OGDHL: variants seen among roughly 807,000 people sequenced by gnomAD.
The protein encoded by OGDHL is 2-oxoglutarate dehydrogenase-like, mitochondrial.
In OGDHL, 79 loss-of-function variants were observed where a neutral mutation model predicts 109.6. The observed-to-expected ratio is 0.72, with a 90% CI of 0.60 to 0.87. The LOEUF is 0.87. Ranked by LOEUF, OGDHL falls within the 40% of genes least tolerant of loss-of-function variation. The pLI, the probability that OGDHL is intolerant of heterozygous loss-of-function variation, is 0.00. For missense variants in OGDHL, 1,275 were observed against 1,362.2 expected (o/e 0.94, Z 1.01); for synonymous variants, 528 against 537.2 (o/e 0.98, Z 0.24).
intron 1 of OGDHL, chr10:49,758,795 C>T: frequency 1.6e-6 from 1 of 609,866 alleles, no homozygotes; most frequent in Non-Finnish European, 2.9e-6. Context: ...TCAGTAAACT[C>T]TATCAATAGA....
chr10:49,736,240 G>A, intron 21 of OGDHL, 63 bp from the exon 22 acceptor site: 1 of 1,572,194 alleles, frequency 6.4e-7, no homozygotes, highest in Non-Finnish European at 8.6e-7. Flanking sequence ...AGCACCCCCG[G>A]ACAGGAGGCA....
At chr10:49,757,077 C>T (rs1329856418) in intron 2 of OGDHL, 131 bp from the exon 3 acceptor site, 13 of 825,546 alleles carry the variant, frequency 1.6e-5, no homozygotes, top group Non-Finnish European at 2.4e-5. Flanking sequence ...CCCAGGGTGC[C>T]TAGATGTACA....
intron 4 of OGDHL, 116 bp from the exon 5 acceptor site, chr10:49,752,364 G>T: frequency 1.2e-6 from 1 of 812,290 alleles, no homozygotes; most frequent in Non-Finnish European, 2.1e-6. Context: ...CCCTCCCTCT[G>T]GGTCCAACCT....
intron 12 of OGDHL, 29 bp downstream of exon 12, chr10:49,745,315 T>C: frequency 6.2e-7 from 1 of 1,610,402 alleles, no homozygotes; most frequent in East Asian, 2.2e-5. Context: ...AAAGTTTGTC[T>C]TGGGCGCCCC....
rs757002257 is a variant in OGDHL, at chr10:49,744,131, G to C, written c.1733-9C>G. On this transcript the variant is annotated splice_polypyrimidine_tract_variant and intron_variant, in intron 13 of 22. Coordinates refer to ENST00000374103, the MANE Select transcript of OGDHL (RefSeq NM_018245.3). ...ATCTACGTTGAAGAAGCCTGAGAGGGAGAGAGGCTCTGTCCACACTGTGTC... is the reference window on the plus strand; with the variant it reads ...ATCTACGTTGAAGAAGCCTGAGAGGCAGAGAGGCTCTGTCCACACTGTGTC... 11 of 1,613,322 alleles carry C rather than the reference G, an allele frequency of 6.8e-6. No homozygotes were observed. The highest frequency in any genetic ancestry group is 6.6e-5 in the South Asian group (6 of 91,036).
At chr10:49,760,211 C>G (rs1290376600) in intron 1 of OGDHL, among the ~76,000 whole-genome samples, 1 of 152,242 alleles carries the variant, frequency 6.6e-6, no homozygotes, top group Non-Finnish European at 1.5e-5. Context: ...GGGAGGTGAG[C>G]TTGGGAGCCT....
At chr10:49,738,608 G>A (rs1590682551) in intron 17 of OGDHL, 6 of 342,840 alleles carry the variant, frequency 1.8e-5, no homozygotes, top group Middle Eastern at 9.7e-4. Flanking sequence ...AATCCCACAC[G>A]CCTTATCGCT....
At chr10:49,737,646 A>C in intron 20 of OGDHL, 140 bp downstream of exon 20, 1 of 854,458 alleles carries the variant, frequency 1.2e-6, no homozygotes. Flanking sequence ...CCCTACTGCT[A>C]GTGGGACCAT....
rs772966693 is a variant in OGDHL, at chr10:49,735,353, TGGA to T, written c.2910-5_2910-3del. On this transcript the variant is annotated splice_polypyrimidine_tract_variant and splice_region_variant and intron_variant, in intron 22 of 22. Coordinates refer to ENST00000374103, the MANE Select transcript of OGDHL (RefSeq NM_018245.3). Reference sequence around the variant, plus strand: ...GCCGCTGGGTCCCGGCCAACATACCTGGAGGAGGAGAGACAAGCTAAGGGGAAG... The same window carrying T: ...GCCGCTGGGTCCCGGCCAACATACCTGGAGGAGAGACAAGCTAAGGGGAAG... 6.2e-7 allele frequency: 1 copy of T among 1,612,252 alleles called. No individual in the cohort carries two copies. The highest frequency in any genetic ancestry group is 8.5e-7 in the Non-Finnish European group (1 of 1,179,550).
intron 20 of OGDHL, 70 bp downstream of exon 20, chr10:49,737,716 G>A: frequency 6.4e-7 from 1 of 1,554,036 alleles, no homozygotes; most frequent in Non-Finnish European, 8.9e-7. Context: ...AGAAGCCCCA[G>A]AAGCAGAAGC....
In OGDHL at chr10:49,758,390, T is replaced by C. The variant is rs1277083075; in HGVS notation, c.203A>G (p.Lys68Arg). 2 of 1,608,738 alleles carry C rather than the reference T, an allele frequency of 1.2e-6. No individual in the cohort carries two copies. The highest frequency in any genetic ancestry group is 1.7e-6 in the Non-Finnish European group (2 of 1,176,674). ...AWLENPQSVH[K>R]SWDSFFREAS... Reference sequence around the variant, plus strand: ...CCAGGGTAGGGTGGGGATGCTGACCTTGTGGACACTCTGGGGGTTTTCCAA... The same window carrying C: ...CCAGGGTAGGGTGGGGATGCTGACCCTGTGGACACTCTGGGGGTTTTCCAA... Residue 68 changes from lysine to arginine, a missense_variant and splice_region_variant, in exon 2 of 23, where the codon AAG becomes AGG. Coordinates refer to ENST00000374103, the MANE Select transcript of OGDHL (RefSeq NM_018245.3).
At chr10:49,741,925 CTA>C (rs760899451) in intron 15 of OGDHL, among the ~76,000 whole-genome samples, 9 of 143,470 alleles carry the variant, frequency 6.3e-5, no homozygotes, top group Non-Finnish European at 1.4e-4. Flanking sequence ...ACCACACAGA[CTA>C]CACACCACAA....
chr10:49,736,684 G>A (rs1841221860), intron 20 of OGDHL, among the ~76,000 whole-genome samples, 164 bp from the exon 21 acceptor site: 1 of 152,198 alleles, frequency 6.6e-6, no homozygotes, highest in East Asian at 1.9e-4. Context: ...TGGAGCAGGG[G>A]GCAGATGACA....
chr10:49,744,237 C>T (rs1009181227), intron 13 of OGDHL, 115 bp from the exon 14 acceptor site: 5 of 1,358,246 alleles, frequency 3.7e-6, no homozygotes, highest in Non-Finnish European at 5.0e-6. Flanking sequence ...CACCGGCACT[C>T]GGACTCACCC....
intron 1 of OGDHL, among the ~76,000 whole-genome samples, chr10:49,759,589 AG>A (rs1843144045): frequency 6.6e-6 from 1 of 152,132 alleles, no homozygotes; most frequent in African/African-American, 2.4e-5. Flanking sequence ...AGGGGTTGAT[AG>A]GGCCTACTGA....
intron 6 of OGDHL, among the ~76,000 whole-genome samples, chr10:49,751,428 C>T (rs1346854258): frequency 8.0e-6 from 1 of 125,186 alleles, no homozygotes; most frequent in Admixed American, 8.5e-5. Flanking sequence ...GCAGCTGAGT[C>T]AGGTGCTCCC....
At chr10:49,751,102 C>T in intron 6 of OGDHL, 117 bp from the exon 7 acceptor site, 1 of 965,382 alleles carries the variant, frequency 1.0e-6, no homozygotes, top group Non-Finnish European at 1.5e-6. Context: ...GAGGAAGTCA[C>T]AAATCCTCCT....
intron 12 of OGDHL, 97 bp downstream of exon 12, chr10:49,745,247 C>A: frequency 6.8e-7 from 1 of 1,469,408 alleles, no homozygotes; most frequent in South Asian, 1.3e-5. Flanking sequence ...TTCTTTAAAT[C>A]CTTAGTGCCC....
At chr10:49,735,412 C>A in intron 22 of OGDHL, 61 bp from the exon 23 acceptor site, 2 of 1,583,430 alleles carry the variant, frequency 1.3e-6, no homozygotes, top group Non-Finnish European at 1.7e-6. Context: ...AACCGCTGCC[C>A]TCACTCCGGG....
Sources: allele counts gnomAD v4.1 joint callset (sites outside exome capture counted in the v4.1 genomes callset), GRCh38; gene constraint gnomAD v4.1.1; transcripts MANE v1.5; gene names NCBI Gene and HGNC (gene_info 2026-07-23, HGNC 2026-07-21).